The following RBM33 variants were observed in gnomAD, a reference collection of about 807,000 sequenced individuals.
RBM33 encodes the protein RNA-binding protein 33.
In RBM33, 28 loss-of-function variants were observed where a neutral mutation model predicts 132.6. The ratio of observed to expected loss-of-function variants is 0.21; its 90% CI spans 0.16 to 0.29. RBM33 has a LOEUF of 0.29. Ranked by LOEUF, RBM33 falls within the 10% of genes least tolerant of loss-of-function variation. RBM33 has a pLI of 1.00. For synonymous variants in RBM33, 634 were observed against 593.0 expected (o/e 1.07, Z -1.01); for missense variants, 1,291 against 1,518.5 (o/e 0.85, Z 2.49).
chr7:155,686,631 C>T (rs986397285), intron 5 of RBM33, among the ~76,000 whole-genome samples: 4 of 151,968 alleles, frequency 2.6e-5, no homozygotes, highest in East Asian at 1.9e-4. Flanking sequence ...CCTCCCCGCT[C>T]CCCCCACCCC....
chr7:155,762,727 C>G (rs937879659), intron 14 of RBM33, among the ~76,000 whole-genome samples: 1 of 152,128 alleles, frequency 6.6e-6, no homozygotes, highest in Non-Finnish European at 1.5e-5. Flanking sequence ...TGGGCTGCTT[C>G]TGAGCTGGTT....
intron 14 of RBM33, among the ~76,000 whole-genome samples, chr7:155,747,905 C>G (rs1298890595): frequency 6.6e-6 from 1 of 152,144 alleles, no homozygotes; most frequent in Non-Finnish European, 1.5e-5. Flanking sequence ...GAACATATTC[C>G]TAATGGTGGT....
rs1270379211 is a variant in RBM33 at position 155,714,847 on chromosome 7, G to A, written c.1201+3392G>A. On this transcript the variant is annotated intron_variant, in intron 8 of 17. Transcript: ENST00000401878. Reference sequence around the variant, plus strand: ...CCTAGATCCTGGGACCCTCCCATACGTGGGTGAGAAGTATTATGAAGTTGT... The same window carrying A: ...CCTAGATCCTGGGACCCTCCCATACATGGGTGAGAAGTATTATGAAGTTGT... Among the ~76,000 whole-genome samples, 4 of 152,138 alleles carry A rather than the reference G, an allele frequency of 2.6e-5. No individual in the cohort carries two copies. In the South Asian group the frequency reaches 6.2e-4, roughly 24 times the overall value.
In RBM33 at chr7:155,766,561, A is replaced by G; in HGVS notation, c.3281A>G (p.Lys1094Arg). Residue 1094 changes from lysine to arginine, a missense_variant, in exon 16 of 18, where the codon AAG becomes AGG. Coordinates refer to ENST00000401878, the MANE Select transcript of RBM33 (RefSeq NM_053043.3). ...CAGAACCTGCGGGTGGTGGAGTGCA[A>G]GCCCCAGCCCTGCGTGGTGTCTGTG... ...NKQNLRVVEC[K>R]PQPCVVSVEG... 1 of 1,613,434 alleles carries G rather than the reference A, an allele frequency of 6.2e-7. No homozygotes were observed. The highest frequency in any genetic ancestry group is 1.1e-5 in the South Asian group (1 of 90,968).
chr7:155,697,674 A>T (rs778425823), intron 5 of RBM33, among the ~76,000 whole-genome samples: 5 of 152,160 alleles, frequency 3.3e-5, no homozygotes, highest in Non-Finnish European at 7.4e-5. Flanking sequence ...TTCTTTCAGA[A>T]CACTGAGATC....
intron 6 of RBM33, among the ~76,000 whole-genome samples, chr7:155,704,668 T>A (rs1800064766): frequency 6.6e-6 from 1 of 152,258 alleles, no homozygotes; most frequent in Non-Finnish European, 1.5e-5. Context: ...ACTGCATTTA[T>A]TTTTAATTCA....
At chr7:155,713,360 G>A (rs1800362100) in intron 8 of RBM33, among the ~76,000 whole-genome samples, 1 of 152,096 alleles carries the variant, frequency 6.6e-6, no homozygotes, top group South Asian at 2.1e-4. Context: ...CCCTGGAGGA[G>A]GGAGTCTGTG....
chr7:155,748,542 A>G (rs1307994004), intron 14 of RBM33, among the ~76,000 whole-genome samples: 1 of 152,232 alleles, frequency 6.6e-6, no homozygotes, highest in South Asian at 2.1e-4. Context: ...CTGTGAGGCA[A>G]TTGTGAATCA....
At chr7:155,742,857 G>A (rs73734717) in intron 13 of RBM33, among the ~76,000 whole-genome samples, 3,757 of 152,284 alleles carry the variant, frequency 0.025, 142 homozygotes, top group African/African-American at 0.085. Context: ...CGGCCAGGGC[G>A]GCCTGTGCAG....
chr7:155,695,544 C>T (rs1248821635), intron 5 of RBM33, among the ~76,000 whole-genome samples: 2 of 152,170 alleles, frequency 1.3e-5, no homozygotes, highest in Non-Finnish European at 2.9e-5. Context: ...ACTGCACCCT[C>T]TGCCTCCTGG....
chr7:155,674,508 C>G (rs1799123214), intron 3 of RBM33, among the ~76,000 whole-genome samples: 1 of 152,168 alleles, frequency 6.6e-6, no homozygotes, highest in Admixed American at 6.5e-5. Context: ...ATTTCTATCT[C>G]TAGGCAAGCC....
In RBM33 at chr7:155,673,695, T is replaced by C. The variant is rs556097523; in HGVS notation, c.171+780T>C. On this transcript the variant is annotated intron_variant, in intron 3 of 17. Coordinates refer to ENST00000401878, the MANE Select transcript of RBM33 (RefSeq NM_053043.3). ...ACACACGTGTATATATATACACACATATATACATACACACGTGTATATATA... is the reference window on the plus strand; with the variant it reads ...ACACACGTGTATATATATACACACACATATACATACACACGTGTATATATA... Among the ~76,000 whole-genome samples the C allele has an allele frequency of 1.0e-4, 13 of 125,480 alleles. 1 individual carries two copies. Among genetic ancestry groups the C allele is most frequent in the South Asian group, 4.9e-4 (2 of 4,100 alleles). The allele number at this position is 125,480 out of a possible 152,430, so 82.3% of individuals were successfully genotyped here.
rs1254697946 is a variant in RBM33, at chr7:155,774,383, A to T, written c.3376-176A>T. Among the ~76,000 whole-genome samples the T allele has an allele frequency of 6.6e-6, 1 of 152,216 alleles. No homozygotes were observed. The highest frequency in any genetic ancestry group is 1.9e-4 in the East Asian group (1 of 5,196). ...TTAGTAAAGCACTGTTTTGGAGTAGATTATCTAGATAAGTAAGACAAATTG... is the reference window on the plus strand; with the variant it reads ...TTAGTAAAGCACTGTTTTGGAGTAGTTTATCTAGATAAGTAAGACAAATTG... On this transcript the variant is annotated intron_variant, in intron 16 of 17. Coordinates refer to ENST00000401878, the MANE Select transcript of RBM33 (RefSeq NM_053043.3). This position sits in a 1 kb window ranked among gnomAD's most constrained non-coding sequence, Gnocchi z 4.2.
chr7:155,654,524 A>C (rs749584843), intron 1 of RBM33, among the ~76,000 whole-genome samples: 1 of 152,000 alleles, frequency 6.6e-6, no homozygotes. Flanking sequence ...ACTTCTCTCT[A>C]TGAGTGTGCT....
rs780174534 is a variant in RBM33, at chr7:155,742,047, A to G, written c.2278A>G (p.Lys760Glu). Residue 760 changes from lysine to glutamate, a missense_variant, in exon 13 of 18, where the codon AAA becomes GAA. By Grantham distance (56) the Lys-to-Glu change is moderately conservative. This residue lies in a region of RBM33 where 841 missense variants were observed against 912.0 expected (regional missense o/e 0.92). Coordinates refer to ENST00000401878, the MANE Select transcript of RBM33 (RefSeq NM_053043.3). Reference sequence around the variant, plus strand: ...AAGCTCACAGGGAAAGACGGAAGTGAAAGTCAAGCCAGCTAGCCCTGTGGC... The same window carrying G: ...AAGCTCACAGGGAAAGACGGAAGTGGAAGTCAAGCCAGCTAGCCCTGTGGC... The part of the protein sequence containing the change: ...SRSSQGKTEV[K>E]VKPASPVAQP... The G allele has an allele frequency of 2.5e-6, 4 of 1,613,908 alleles. No homozygotes were observed. Among genetic ancestry groups the G allele is most frequent in the East Asian group, 4.5e-5 (2 of 44,898 alleles).
At chr7:155,656,795 T>A (rs998215359) in intron 1 of RBM33, among the ~76,000 whole-genome samples, 1 of 152,238 alleles carries the variant, frequency 6.6e-6, no homozygotes, top group Non-Finnish European at 1.5e-5. Context: ...CTTTTTAAAA[T>A]TATAGTCAGC....
In RBM33 at chr7:155,766,144, G is replaced by A. The variant is rs116429157; in HGVS notation, c.3187-323G>A. ...AATTCTGAACTGTCATTTGCAGCAA[G>A]TTTCTCAGCCCTGACGGGTGCCTGA... On this transcript the variant is annotated intron_variant, in intron 15 of 17. Coordinates refer to ENST00000401878, the MANE Select transcript of RBM33 (RefSeq NM_053043.3). 2.3e-3 allele frequency among the ~76,000 whole-genome samples: 315 copies of A among 138,534 alleles called. 2 individuals are homozygous for A. Among genetic ancestry groups the A allele is most frequent in the African/African-American group, 8.2e-3 (305 of 37,146 alleles). 90.9% of individuals were successfully genotyped at this position (138,534 alleles called of 152,430 possible).
rs145250197 is a variant in RBM33 at position 155,651,745 on chromosome 7, A to C, written c.43+6826A>C. Reference sequence around the variant, plus strand: ...TAGAGCAAGCCTTTATAACTTCCATAATAGGAGGGGTCCTATCTCATATCA... The same window carrying C: ...TAGAGCAAGCCTTTATAACTTCCATCATAGGAGGGGTCCTATCTCATATCA... On this transcript the variant is annotated intron_variant, in intron 1 of 17. Coordinates refer to ENST00000401878, the MANE Select transcript of RBM33 (RefSeq NM_053043.3). Among the ~76,000 whole-genome samples, 121 of 152,260 alleles carry C rather than the reference A, an allele frequency of 7.9e-4. 4 individuals carry two copies. In the East Asian group the frequency reaches 0.015, roughly 19 times the overall value.
intron 5 of RBM33, among the ~76,000 whole-genome samples, chr7:155,698,888 A>C (rs1036363594): frequency 1.3e-5 from 2 of 152,250 alleles, no homozygotes; most frequent in African/African-American, 2.4e-5. Context: ...GATGTACAAG[A>C]GTTTATCCAT....
Sources: allele counts gnomAD v4.1 joint callset (sites outside exome capture counted in the v4.1 genomes callset), GRCh38; gene constraint gnomAD v4.1.1; regional missense constraint gnomAD v4.1.1; non-coding constraint Gnocchi (gnomAD v3.1); transcripts MANE v1.5; gene names NCBI Gene and HGNC (gene_info 2026-07-23, HGNC 2026-07-21).